The following RMDN2 variants were observed in gnomAD, a reference collection of about 807,000 sequenced individuals.
RMDN2 encodes the protein regulator of microtubule dynamics 2, also known as regulator of microtubule dynamics protein 2.
In RMDN2, 61 loss-of-function variants were observed where a neutral mutation model predicts 52.8. That is an observed-to-expected ratio of 1.16 (90% CI 0.94 to 1.43). RMDN2 has a LOEUF of 1.43. Among genes scored for constraint, RMDN2 ranks in the 40% most tolerant of loss-of-function variants. RMDN2 has a pLI of 0.00. For missense variants in RMDN2, 592 were observed against 475.3 expected (o/e 1.25, Z -2.28); for synonymous variants, 180 against 153.1 (o/e 1.18, Z -1.30).
At chr2:38,063,352 A>T (rs1427085575) in intron 10 of RMDN2, among the ~76,000 whole-genome samples, 15 of 152,084 alleles carry the variant, frequency 9.9e-5, no homozygotes. Context: ...TTTGATTTGC[A>T]TTTCTCTGAT....
chr2:37,943,439 C>G (rs750957508), intron 2 of RMDN2, among the ~76,000 whole-genome samples: 2 of 152,178 alleles, frequency 1.3e-5, no homozygotes, highest in Non-Finnish European at 2.9e-5. Flanking sequence ...CTTTAACTAA[C>G]CATGTAACTT....
chr2:38,037,082 T>A (rs1214786187), intron 10 of RMDN2, among the ~76,000 whole-genome samples: 1 of 152,202 alleles, frequency 6.6e-6, no homozygotes. Context: ...AAAAAGGTAC[T>A]GGACTCAACC....
chr2:38,046,847 G>A (rs1334418485), intron 10 of RMDN2, among the ~76,000 whole-genome samples: 2 of 151,982 alleles, frequency 1.3e-5, no homozygotes, highest in Non-Finnish European at 2.9e-5. Flanking sequence ...GCCAGGCCTA[G>A]TGGCGGGTGC....
At chr2:37,922,685 A>G (rs1318838240), upstream of RMDN2, among the ~76,000 whole-genome samples, 1 of 152,212 alleles carries the variant, frequency 6.6e-6, no homozygotes, top group Non-Finnish European at 1.5e-5. Flanking sequence ...GCAGGGAGGC[A>G]TTTTGTATTC....
intron 7 of RMDN2, among the ~76,000 whole-genome samples, chr2:37,995,146 T>G (rs1473997003): frequency 3.9e-5 from 6 of 152,256 alleles, no homozygotes; most frequent in Non-Finnish European, 7.4e-5. Context: ...TTATATAGAT[T>G]ATACCTCAGT....
intron 2 of RMDN2, among the ~76,000 whole-genome samples, chr2:37,962,528 G>A (rs1218856423): frequency 6.6e-6 from 1 of 152,114 alleles, no homozygotes; most frequent in Non-Finnish European, 1.5e-5. Context: ...CAGTAATGGT[G>A]GACGCCCCTC....
chr2:37,982,490 C>T (rs1279568029), intron 5 of RMDN2, among the ~76,000 whole-genome samples: 1 of 152,088 alleles, frequency 6.6e-6, no homozygotes, highest in Non-Finnish European at 1.5e-5. Flanking sequence ...GCACCCTAAC[C>T]CTGTAGAAAT....
chr2:37,999,931 C>G (rs942226538), intron 8 of RMDN2, among the ~76,000 whole-genome samples: 8 of 152,264 alleles, frequency 5.3e-5, no homozygotes, highest in Admixed American at 5.2e-4. Flanking sequence ...CTCTCAAATT[C>G]TTCATCCGTG....
At chr2:37,965,565 C>G (rs1229635521) in intron 2 of RMDN2, among the ~76,000 whole-genome samples, 3 of 151,976 alleles carry the variant, frequency 2.0e-5, no homozygotes, top group Non-Finnish European at 4.4e-5. Context: ...GTTGTATTAT[C>G]ATTAATCTAG....
chr2:37,940,457 G>A (rs1017963123), intron 2 of RMDN2, among the ~76,000 whole-genome samples: 1 of 152,150 alleles, frequency 6.6e-6, no homozygotes, highest in African/African-American at 2.4e-5. Context: ...AGTTCTCCTG[G>A]ATAGTATCCT....
At position 37,943,779 on chromosome 2, in the gene RMDN2, G is replaced by A. The variant is rs114807537; in HGVS notation, c.452+14050G>A. 6.0e-3 allele frequency among the ~76,000 whole-genome samples: 910 copies of A among 152,158 alleles called. 11 individuals are homozygous for A. Among genetic ancestry groups the A allele is most frequent in the African/African-American group, 0.02 (848 of 41,500 alleles). The stretch of plus-strand genomic sequence containing the variant: ...CCCTATCCTTCTAAATTAACTTTGC[G>A]AAGTTGGAGTGTAGTCTTTTCCCCC... On this transcript the variant is annotated intron_variant, in intron 2 of 10. Coordinates refer to ENST00000354545, the MANE Select transcript of RMDN2 (RefSeq NM_001170791.3).
chr2:37,963,291 T>G (rs1670514646), intron 2 of RMDN2: 1 of 151,650 alleles, frequency 6.6e-6, no homozygotes. Flanking sequence ...TTGAATTTAT[T>G]AATTTGGCTT....
chr2:38,001,239 A>G (rs1676281275), intron 8 of RMDN2, among the ~76,000 whole-genome samples: 1 of 152,228 alleles, frequency 6.6e-6, no homozygotes, highest in South Asian at 2.1e-4. Context: ...GGAACACAGA[A>G]ATGACCAACA....
chr2:38,035,422 G>A (rs959344327), intron 10 of RMDN2, among the ~76,000 whole-genome samples: 1 of 152,044 alleles, frequency 6.6e-6, no homozygotes, highest in Non-Finnish European at 1.5e-5. Context: ...ATACCAACAA[G>A]ATTCTTTTTA....
At chr2:38,022,050 C>G (rs189908798), downstream of RMDN2, among the ~76,000 whole-genome samples, 66 of 152,292 alleles carry the variant, frequency 4.3e-4, no homozygotes, top group African/African-American at 1.5e-3. Flanking sequence ...TAACTTGTCA[C>G]AGACCTTTCT....
intron 2 of RMDN2, among the ~76,000 whole-genome samples, chr2:37,968,319 T>C (rs1671339297): frequency 8.1e-6 from 1 of 124,054 alleles, no homozygotes; most frequent in African/African-American, 3.5e-5. Flanking sequence ...GGCAGGCACC[T>C]GTAATCCCAG....
At chr2:37,966,016 G>A (rs535144390) in intron 2 of RMDN2, among the ~76,000 whole-genome samples, 6 of 152,138 alleles carry the variant, frequency 3.9e-5, no homozygotes, top group Admixed American at 3.3e-4. Flanking sequence ...GTAATGAGTT[G>A]CTTTTCTTTT....
chr2:37,991,872 A>G (rs1674847674), intron 7 of RMDN2, among the ~76,000 whole-genome samples: 1 of 152,262 alleles, frequency 6.6e-6, no homozygotes, highest in Non-Finnish European at 1.5e-5. Flanking sequence ...GTCTTAAATG[A>G]CACTATTAGT....
chr2:38,052,025 T>A (rs1033084997), intron 10 of RMDN2, among the ~76,000 whole-genome samples: 1 of 152,228 alleles, frequency 6.6e-6, no homozygotes, highest in Non-Finnish European at 1.5e-5. Flanking sequence ...ATCATTTGGA[T>A]AAATACCCAG....
Sources: gnomAD v4.1 joint callset for allele counts (sites outside exome capture counted in the v4.1 genomes callset) on GRCh38, gnomAD v4.1.1 for gene constraint, MANE v1.5 for transcripts, NCBI Gene and HGNC (gene_info 2026-07-23, HGNC 2026-07-21) for gene names.